Variants in SCHIP1 observed in about 807,000 individuals in gnomAD.
SCHIP1 encodes schwannomin-interacting protein 1.
SCHIP1 carries 8 observed loss-of-function variants against 29.7 expected under a neutral mutation model. That is an observed-to-expected ratio of 0.27 (90% CI 0.16 to 0.49). SCHIP1 has a LOEUF of 0.49. Among genes scored for constraint, SCHIP1 ranks in the 20% least tolerant of loss-of-function variants. The pLI, the probability that SCHIP1 is intolerant of heterozygous loss-of-function variation, is 0.99. For missense variants in SCHIP1, 193 were observed against 294.6 expected (o/e 0.66, Z 2.52); for synonymous variants, 76 against 94.9 (o/e 0.80, Z 1.16).
At chr3:159,352,610 C>T in the SCHIP1 span, among the ~76,000 whole-genome samples, 2 of 152,062 alleles carry the variant, frequency 1.3e-5, no homozygotes, top group African/African-American at 4.8e-5. Flanking sequence ...TGTGTAAGCA[C>T]CACAATAAAG....
At chr3:159,445,146 C>A in the SCHIP1 span, among the ~76,000 whole-genome samples, 1 of 152,084 alleles carries the variant, frequency 6.6e-6, no homozygotes, top group Non-Finnish European at 1.5e-5. Context: ...GGGCTAATAT[C>A]CAGAATCTAC....
At chr3:159,379,648 A>C in the SCHIP1 span, among the ~76,000 whole-genome samples, 2 of 129,234 alleles carry the variant, frequency 1.5e-5, no homozygotes, top group African/African-American at 3.1e-5. Context: ...TACAAGTTCC[A>C]TAGACTTTTT....
At chr3:159,465,430 G>A in the SCHIP1 span, among the ~76,000 whole-genome samples, 5 of 151,826 alleles carry the variant, frequency 3.3e-5, no homozygotes, top group Non-Finnish European at 7.4e-5. Context: ...ATTTTGAGAT[G>A]AAAGCGTTTT....
the SCHIP1 span, among the ~76,000 whole-genome samples, chr3:159,571,806 C>T: frequency 6.6e-6 from 1 of 152,112 alleles, no homozygotes; most frequent in African/African-American, 2.4e-5. Flanking sequence ...ATTTCAGAGC[C>T]TGTTATTGGT....
At chr3:159,620,223 A>G in the SCHIP1 span, among the ~76,000 whole-genome samples, 5 of 152,336 alleles carry the variant, frequency 3.3e-5, no homozygotes, top group South Asian at 4.1e-4. Flanking sequence ...GAAGGGCCCT[A>G]TAAAAAAATG....
the SCHIP1 span, among the ~76,000 whole-genome samples, chr3:159,639,493 C>A: frequency 6.6e-6 from 1 of 151,946 alleles, no homozygotes; most frequent in African/African-American, 2.4e-5. Context: ...AATTTTTAAC[C>A]ATTTCCAAAA....
At chr3:159,574,679 T>C in the SCHIP1 span, among the ~76,000 whole-genome samples, 19 of 152,236 alleles carry the variant, frequency 1.2e-4, no homozygotes, top group Non-Finnish European at 2.4e-4. Flanking sequence ...TCTGCAGACA[T>C]TGACTGCTAC....
the SCHIP1 span, among the ~76,000 whole-genome samples, chr3:159,768,071 G>A: frequency 7.9e-5 from 12 of 152,284 alleles, no homozygotes; most frequent in African/African-American, 2.2e-4. Context: ...GAGAGGTTAA[G>A]TGATTTGCCT....
chr3:159,535,619 G>A, the SCHIP1 span, among the ~76,000 whole-genome samples: 1 of 152,090 alleles, frequency 6.6e-6, no homozygotes, highest in Non-Finnish European at 1.5e-5. Context: ...GGGACCTGTG[G>A]GTAATAGAGT....
the SCHIP1 span, among the ~76,000 whole-genome samples, chr3:159,420,507 CCCT>C: frequency 3.9e-5 from 6 of 152,148 alleles, no homozygotes; most frequent in Non-Finnish European, 7.3e-5. Flanking sequence ...CCTTGGATGT[CCCT>C]CCTTATTTTT....
chr3:159,839,642 T>C (rs1023213880), upstream of SCHIP1, among the ~76,000 whole-genome samples: 5 of 136,138 alleles, frequency 3.7e-5, no homozygotes, highest in South Asian at 2.5e-4. Context: ...TTTTTTTTTT[T>C]TTTTTTTTTT....
At chr3:159,715,257 A>G in the SCHIP1 span, among the ~76,000 whole-genome samples, 1 of 152,234 alleles carries the variant, frequency 6.6e-6, no homozygotes, top group Non-Finnish European at 1.5e-5. Flanking sequence ...CACCATCATC[A>G]AAGACCAAAG....
the SCHIP1 span, among the ~76,000 whole-genome samples, chr3:159,688,286 C>T: frequency 1.3e-5 from 2 of 152,240 alleles, no homozygotes; most frequent in Admixed American, 6.5e-5. Flanking sequence ...TCTTAATGAT[C>T]GCCATTCTAA....
chr3:159,331,019 T>C, the SCHIP1 span, among the ~76,000 whole-genome samples: 1 of 152,218 alleles, frequency 6.6e-6, no homozygotes, highest in Non-Finnish European at 1.5e-5. Context: ...CTTCCATGCC[T>C]ATTAGGTATG....
the SCHIP1 span, among the ~76,000 whole-genome samples, chr3:159,396,717 A>T: frequency 5.9e-5 from 9 of 152,122 alleles, no homozygotes; most frequent in South Asian, 6.2e-4. Context: ...CTTCCCTTTG[A>T]GGGTAACCCG....
the SCHIP1 span, among the ~76,000 whole-genome samples, chr3:159,550,564 T>C: frequency 6.6e-6 from 1 of 152,184 alleles, no homozygotes; most frequent in African/African-American, 2.4e-5. Context: ...TGGCATTAAT[T>C]TCATTTCCAT....
the SCHIP1 span, among the ~76,000 whole-genome samples, chr3:159,551,957 GA>G: frequency 6.7e-6 from 1 of 150,162 alleles, no homozygotes; most frequent in Non-Finnish European, 1.5e-5. Flanking sequence ...GGAGAAATGT[GA>G]AATTACCTAA....
At chr3:159,493,779 C>T in the SCHIP1 span, among the ~76,000 whole-genome samples, 23 of 152,156 alleles carry the variant, frequency 1.5e-4, no homozygotes, top group African/African-American at 5.6e-4. Context: ...AACTCTCCAC[C>T]CCAAATCAAG....
the SCHIP1 span, among the ~76,000 whole-genome samples, chr3:159,715,982 G>A: frequency 0.06 from 9,109 of 152,224 alleles, 385 homozygotes; most frequent in Non-Finnish European, 0.083. Context: ...AGGAAAAAAT[G>A]TTAAGGGCAG....
Sources: allele counts gnomAD v4.1 joint callset (sites outside exome capture counted in the v4.1 genomes callset), GRCh38; gene constraint gnomAD v4.1.1; transcripts MANE v1.5; gene names NCBI Gene and HGNC (gene_info 2026-07-23, HGNC 2026-07-21).